Variants in LNX1 observed in about 807,000 individuals in gnomAD.
The protein encoded by LNX1 is ligand of numb-protein X 1, also known as E3 ubiquitin-protein ligase LNX.
Under a neutral mutation model 68.4 loss-of-function variants are expected in LNX1, and 54 were observed. The observed-to-expected ratio is 0.79, with a 90% confidence interval of 0.63 to 0.99. The LOEUF is 0.99. Ranked by LOEUF, LNX1 falls within the 50% of genes least tolerant of loss-of-function variation. LNX1 has a pLI of 0.00. For missense variants in LNX1, 906 were observed against 926.4 expected, an observed-to-expected ratio of 0.98 and a Z score of 0.29; for synonymous variants, 336 against 350.0, an observed-to-expected ratio of 0.96 and a Z score of 0.45.
At chr4:53,472,732 C>A (rs1425542758) in intron 9 of LNX1, among the ~76,000 whole-genome samples, 2 of 139,456 alleles carry the variant, frequency 1.4e-5, no homozygotes, top group Non-Finnish European at 3.1e-5. Flanking sequence ...GGACTCTTTG[C>A]AATATAATTG....
chr4:53,541,745 TTAAAAAAAA>T (rs1371620225), intron 2 of LNX1, among the ~76,000 whole-genome samples: 4 of 9,258 alleles, frequency 4.3e-4, no homozygotes, highest in South Asian at 5.2e-3. Flanking sequence ...GTCTGAGTCA[TTAAAAAAAA>T]GTAGGCCAAG....
intron 6 of LNX1, among the ~76,000 whole-genome samples, chr4:53,484,403 A>G (rs1269599626): frequency 5.9e-5 from 9 of 151,990 alleles, no homozygotes; most frequent in Non-Finnish European, 5.9e-5. Context: ...TCTCTACTAA[A>G]AATACAAAAA....
chr4:53,615,617 G>C (rs1185991189), intron 2 of LNX1, among the ~76,000 whole-genome samples: 23 of 152,186 alleles, frequency 1.5e-4, no homozygotes, highest in Admixed American at 1.5e-3. Flanking sequence ...CCAACCCACA[G>C]AATTGTGAAC....
At chr4:53,575,681 C>T (rs750820498) in intron 1 of LNX1, 52 of 1,390,574 alleles carry the variant, frequency 3.7e-5, no homozygotes, top group Non-Finnish European at 4.9e-5. Context: ...GACCCACCCC[C>T]TGGGCTGGCT....
chr4:53,570,655 A>G (rs965253796), intron 2 of LNX1, among the ~76,000 whole-genome samples: 2 of 136,508 alleles, frequency 1.5e-5, no homozygotes, highest in Admixed American at 1.5e-4. Context: ...CCTAAAACTT[A>G]AAGTATAATA....
intron 2 of LNX1, among the ~76,000 whole-genome samples, chr4:53,516,739 G>A (rs1018484962): frequency 1.3e-5 from 2 of 152,170 alleles, no homozygotes; most frequent in African/African-American, 2.4e-5. Flanking sequence ...GCAGTGCTGG[G>A]GATAAACCCA....
rs74717127 is a variant in LNX1 at position 53,640,227 on chromosome 4, C to G, written c.-215+11941G>C. The stretch of plus-strand genomic sequence containing the variant: ...TAGATTTACGTATTAAAAACAAGAA[C>G]GACTGTCAGGAAGGCGAGGAAGCAC... On this transcript the variant is annotated intron_variant, in intron 1 of 2. Coordinates refer to the LNX1 transcript ENST00000507168. Among the ~76,000 whole-genome samples, 10 of 152,124 alleles carry G rather than the reference C, an allele frequency of 6.6e-5. No homozygotes were observed. In the South Asian group the frequency reaches 1.5e-3, roughly 22 times the overall value.
intron 9 of LNX1, among the ~76,000 whole-genome samples, chr4:53,465,238 T>C (rs1464734417): frequency 6.6e-6 from 1 of 152,208 alleles, no homozygotes; most frequent in Non-Finnish European, 1.5e-5. Flanking sequence ...CAAACTGGCT[T>C]CCTATCTTGC....
At chr4:53,601,612 C>T (rs1004621332) in intron 2 of LNX1, among the ~76,000 whole-genome samples, 7 of 152,184 alleles carry the variant, frequency 4.6e-5, no homozygotes, top group African/African-American at 1.7e-4. Context: ...GATGCTAACT[C>T]CTCAATGCCA....
At position 53,636,179 on chromosome 4, in the gene LNX1, CTTT is replaced by C. The variant is rs11440722; in HGVS notation, c.-215+15986_-215+15988del. 1.3e-3 allele frequency among the ~76,000 whole-genome samples: 108 copies of C among 85,250 alleles called. 1 individual carries two copies. The highest frequency in any genetic ancestry group is 3.1e-3 in the South Asian group (5 of 1,600). 55.9% of individuals were successfully genotyped at this position (85,250 alleles called of 152,430 possible). A position where few individuals can be genotyped will look rare whatever the true frequency, so the allele number is the denominator to read the frequency against. On this transcript the variant is annotated intron_variant, in intron 1 of 2. Coordinates refer to the LNX1 transcript ENST00000507168. ...CTCAGAGACTGCACATCTATTACTC[CTTT>C]TTTTTTTTTTTTTTTTTTTTTCCTT...
intron 2 of LNX1, among the ~76,000 whole-genome samples, chr4:53,607,577 C>T (rs2109843655): frequency 6.6e-6 from 1 of 152,272 alleles, no homozygotes; most frequent in East Asian, 1.9e-4. Context: ...TATCAAACTA[C>T]TAATGACATT....
At chr4:53,607,610 A>G (rs1009240466) in intron 2 of LNX1, among the ~76,000 whole-genome samples, 4 of 152,164 alleles carry the variant, frequency 2.6e-5, no homozygotes, top group African/African-American at 7.2e-5. Context: ...AGAAAAAGCT[A>G]ATGGTGATTT....
intron 9 of LNX1, among the ~76,000 whole-genome samples, chr4:53,466,111 C>T (rs1329440714): frequency 1.3e-5 from 2 of 151,896 alleles, no homozygotes; most frequent in Non-Finnish European, 2.9e-5. Flanking sequence ...GCTGCAAACC[C>T]AAGCTCCACA....
intron 6 of LNX1, among the ~76,000 whole-genome samples, chr4:53,487,371 T>C (rs746347395): frequency 5.9e-5 from 9 of 152,266 alleles, no homozygotes; most frequent in Non-Finnish European, 1.0e-4. Flanking sequence ...AAATGCATGA[T>C]AACATTTGCT....
At chr4:53,574,110 C>T in intron 1 of LNX1, 22 bp from the exon 2 acceptor site, 1 of 1,449,026 alleles carries the variant, frequency 6.9e-7, no homozygotes, top group Non-Finnish European at 9.1e-7. Flanking sequence ...CAAGAAGGCT[C>T]ACCTTTGCTT....
intron 2 of LNX1, among the ~76,000 whole-genome samples, chr4:53,528,680 A>AG (rs33929475): frequency 6.6e-5 from 10 of 151,540 alleles, no homozygotes; most frequent in African/African-American, 2.4e-4. Flanking sequence ...CCTGTGGATA[A>AG]GGGGGGGACT....
intron 2 of LNX1, among the ~76,000 whole-genome samples, chr4:53,530,628 AC>A (rs1727947619): frequency 6.6e-6 from 1 of 152,236 alleles, no homozygotes; most frequent in African/African-American, 2.4e-5. Context: ...CAGTAATTTT[AC>A]ATCTAAGAAT....
intron 1 of LNX1, chr4:53,576,523 C>T: frequency 1.9e-6 from 2 of 1,075,340 alleles, no homozygotes; most frequent in East Asian, 6.1e-5. Context: ...TTTTGTAGAT[C>T]TTGTATTTTA....
Position 53,573,718 on chromosome 4 carries a change from G to T in LNX1, c.285C>A (p.Asn95Lys). Residue 95 changes from asparagine to lysine, a missense_variant, in exon 2 of 11, where the codon AAC (asparagine) becomes AAA (lysine). Coordinates refer to ENST00000263925, the MANE Select transcript of LNX1 (RefSeq NM_001126328.3). ...TCACCAGTAGCTTGTTGAGGAGTTT[G>T]TTGACCAGGATGCTGGACTTCTTGC... Reference protein sequence around the residue: ...QHCKKSSILVNKLLNKLLVTC... With the variant: ...QHCKKSSILVKKLLNKLLVTC... 6.2e-7 allele frequency: 1 copy of T among 1,611,310 alleles called. No individual in the cohort carries two copies. Among genetic ancestry groups the T allele is most frequent in the South Asian group, 1.1e-5 (1 of 90,264 alleles).
Sources: allele counts gnomAD v4.1 joint callset (sites outside exome capture counted in the v4.1 genomes callset), GRCh38; gene constraint gnomAD v4.1.1; transcripts MANE v1.5; gene names NCBI Gene and HGNC (gene_info 2026-07-23, HGNC 2026-07-21).